Variants in LRRC7 observed in about 807,000 individuals in gnomAD.
LRRC7 encodes leucine-rich repeat-containing protein 7.
LRRC7 carries 23 observed loss-of-function variants against 175.7 expected under a neutral mutation model. The observed-to-expected ratio is 0.13, with a 90% confidence interval of 0.09 to 0.19. The LOEUF (loss-of-function observed/expected upper bound fraction) is 0.19, where lower values mean the gene tolerates loss of function less well. Among genes scored for constraint, LRRC7 ranks in the 10% least tolerant of loss-of-function variants. LRRC7 has a pLI of 1.00. For missense variants in LRRC7, 1,354 were observed against 1,904.7 expected (o/e 0.71, Z 5.38); for synonymous variants, 685 against 680.9 (o/e 1.01, Z -0.09).
chr1:69,603,694 T>A (rs1647173132), intron 1 of LRRC7, among the ~76,000 whole-genome samples: 1 of 152,168 alleles, frequency 6.6e-6, no homozygotes, highest in South Asian at 2.1e-4. Context: ...GCTTTTTAGG[T>A]CCTAGAGGCT....
At position 69,972,154 on chromosome 1, in the gene LRRC7, G is replaced by A. The variant is rs190404390; in HGVS notation, c.712-8225G>A. On this transcript the variant is annotated intron_variant, in intron 8 of 26. Transcript: ENST00000651989. Reference sequence around the variant, plus strand: ...GGATGAAGGACTTAAATCTAAGACCGGAAACTACAAAAATTCTAGAAGACA... The same window carrying A: ...GGATGAAGGACTTAAATCTAAGACCAGAAACTACAAAAATTCTAGAAGACA... Among the ~76,000 whole-genome samples, 126 of 152,160 alleles carry A rather than the reference G, an allele frequency of 8.3e-4. 1 individual carries two copies. The highest frequency in any genetic ancestry group is 2.8e-3 in the African/African-American group (117 of 41,546).
intron 1 of LRRC7, among the ~76,000 whole-genome samples, chr1:69,619,523 G>C (rs1375549463): frequency 6.6e-6 from 1 of 152,124 alleles, no homozygotes; most frequent in Non-Finnish European, 1.5e-5. Context: ...CTCTTGAAAA[G>C]TCTGAATTTC....
At chr1:69,905,770 C>T (rs1015226418) in intron 7 of LRRC7, among the ~76,000 whole-genome samples, 3 of 152,172 alleles carry the variant, frequency 2.0e-5, no homozygotes, top group Non-Finnish European at 4.4e-5. Context: ...TGGGTATATA[C>T]CCAGTAATGG....
chr1:70,093,929 T>C (rs555396299), intron 25 of LRRC7, among the ~76,000 whole-genome samples: 1 of 152,308 alleles, frequency 6.6e-6, no homozygotes, highest in South Asian at 2.1e-4. Context: ...GCCATGCTGT[T>C]GTAACATTTT....
At chr1:69,996,694 A>G (rs964889912) in intron 11 of LRRC7, among the ~76,000 whole-genome samples, 1 of 152,106 alleles carries the variant, frequency 6.6e-6, no homozygotes, top group African/African-American at 2.4e-5. Flanking sequence ...GGTTTGTCAA[A>G]GATCAGATAG....
intron 7 of LRRC7, among the ~76,000 whole-genome samples, chr1:69,872,297 G>A (rs1220519394): frequency 6.6e-6 from 1 of 151,974 alleles, no homozygotes; most frequent in Non-Finnish European, 1.5e-5. Context: ...GGCTTTTCTG[G>A]AAGAAATGGG....
intron 8 of LRRC7, among the ~76,000 whole-genome samples, chr1:69,960,444 C>T (rs188845338): frequency 3.2e-4 from 49 of 152,138 alleles, no homozygotes; most frequent in Admixed American, 5.2e-4. Flanking sequence ...CTCCTGGATT[C>T]GTTGATCTTC....
At chr1:69,906,729 A>C (rs934802878) in intron 7 of LRRC7, among the ~76,000 whole-genome samples, 5 of 152,056 alleles carry the variant, frequency 3.3e-5, no homozygotes, top group Non-Finnish European at 5.9e-5. Flanking sequence ...CTTAGGATTG[A>C]CTTGGCGATG....
chr1:69,643,268 C>T (rs756741594), intron 1 of LRRC7, among the ~76,000 whole-genome samples: 1 of 152,068 alleles, frequency 6.6e-6, no homozygotes, highest in Non-Finnish European at 1.5e-5. Context: ...CTAATCTTTT[C>T]AGGAAATACC....
chr1:70,111,596 A>T (rs1665531740), intron 26 of LRRC7, among the ~76,000 whole-genome samples: 1 of 152,192 alleles, frequency 6.6e-6, no homozygotes, highest in South Asian at 2.1e-4. Context: ...TTTCCAGCTA[A>T]AAAATTCAGT....
intron 1 of LRRC7, among the ~76,000 whole-genome samples, chr1:69,634,488 C>T (rs888455815): frequency 6.6e-6 from 1 of 152,088 alleles, no homozygotes; most frequent in Non-Finnish European, 1.5e-5. Context: ...TTCATCTATG[C>T]TTTGAGTCCT....
chr1:69,577,004 G>A (rs754425104), intron 1 of LRRC7, among the ~76,000 whole-genome samples: 2 of 152,068 alleles, frequency 1.3e-5, no homozygotes, highest in Admixed American at 6.6e-5. Flanking sequence ...GAGGATGGAC[G>A]TTTTTTGTTT....
Position 69,575,396 on chromosome 1 carries a change from G to A in LRRC7, c.2+6755G>A, listed in dbSNP as rs34138629. ...TTCTTTTTCATTGAATTTTTGGCCT[G>A]AATTTCAATCTGAGTTTAATTTTTG... is the stretch of plus-strand genomic sequence containing the variant. On this transcript the variant is annotated intron_variant, in intron 1 of 26. Coordinates refer to ENST00000651989, the MANE Select transcript of LRRC7 (RefSeq NM_001370785.2). Among the ~76,000 whole-genome samples the A allele has an allele frequency of 5.8e-3, 885 of 152,220 alleles. 11 individuals are homozygous for A. The highest frequency in any genetic ancestry group is 0.02 in the African/African-American group (843 of 41,538).
intron 26 of LRRC7, among the ~76,000 whole-genome samples, chr1:70,111,823 A>G (rs1665547173): frequency 6.6e-6 from 1 of 152,142 alleles, no homozygotes; most frequent in African/African-American, 2.4e-5. Context: ...ACCCACCCCC[A>G]TCTCCATACA....
chr1:69,942,434 TAAC>T (rs1489359806), intron 8 of LRRC7, among the ~76,000 whole-genome samples: 1 of 152,074 alleles, frequency 6.6e-6, no homozygotes. Context: ...TTCTGAATGG[TAAC>T]AAATTACCAC....
intron 1 of LRRC7, among the ~76,000 whole-genome samples, chr1:69,665,008 A>AT (rs201097067): frequency 1.1e-3 from 169 of 151,924 alleles, no homozygotes; most frequent in Middle Eastern, 6.8e-3. Flanking sequence ...GTCGAATTTC[A>AT]TTTTTTTTGC....
At chr1:69,911,326 A>T (rs201828544) in intron 7 of LRRC7, among the ~76,000 whole-genome samples, 1 of 152,294 alleles carries the variant, frequency 6.6e-6, no homozygotes, top group South Asian at 2.1e-4. Flanking sequence ...AGCTGTTCCT[A>T]TTCGGCCTTC....
chr1:70,027,062 T>C (rs1658192793), intron 17 of LRRC7, among the ~76,000 whole-genome samples: 1 of 152,002 alleles, frequency 6.6e-6, no homozygotes, highest in Non-Finnish European at 1.5e-5. Flanking sequence ...CCGATCTTCC[T>C]CTTCCTTTCA....
chr1:69,846,358 AAACCAAGT>A (rs1236783020), intron 7 of LRRC7, among the ~76,000 whole-genome samples: 2 of 152,132 alleles, frequency 1.3e-5, no homozygotes, highest in East Asian at 3.9e-4. Context: ...GAGGTCACAA[AAACCAAGT>A]AACACCATTG....
Sources: gnomAD v4.1 joint callset for allele counts (sites outside exome capture counted in the v4.1 genomes callset) on GRCh38, gnomAD v4.1.1 for gene constraint, MANE v1.5 for transcripts, NCBI Gene and HGNC (gene_info 2026-07-23, HGNC 2026-07-21) for gene names.